CHEK2: variants seen among roughly 807,000 people sequenced by gnomAD.
The protein encoded by CHEK2 is checkpoint kinase 2.
CHEK2 carries 71 observed loss-of-function variants against 69.1 expected under a neutral mutation model. The ratio of observed to expected loss-of-function variants is 1.03; its 90% CI spans 0.85 to 1.25. CHEK2 has a LOEUF of 1.25. CHEK2 is among the 50% of genes most tolerant of loss of function. The pLI is 0.00. For missense variants in CHEK2, 664 were observed against 649.6 expected, an observed-to-expected ratio of 1.02 and a Z score of -0.24; for synonymous variants, 189 against 226.9, an observed-to-expected ratio of 0.83 and a Z score of 1.50.
intron 7 of CHEK2, 39 bp from the exon 8 acceptor site, chr22:28,703,605 A>G (rs2145879982): frequency 7.7e-7 from 1 of 1,306,010 alleles, no homozygotes; most frequent in Middle Eastern, 1.8e-4. Context: ...GTAGTGAGAA[A>G]CTCCCAAGAG....
intron 8 of CHEK2, among the ~76,000 whole-genome samples, chr22:28,701,652 C>T (rs2052853138): frequency 6.6e-6 from 1 of 152,190 alleles, no homozygotes; most frequent in Admixed American, 6.5e-5. Context: ...CAGGCATCTT[C>T]CAGAAATGAG....
chr22:28,694,037 G>A lies in CHEK2; in HGVS notation c.1456C>T (p.Leu486Phe). 6.3e-7 allele frequency: 1 copy of A among 1,593,736 alleles called. No individual in the cohort carries two copies. Among genetic ancestry groups the A allele is most frequent in the Non-Finnish European group, 8.5e-7 (1 of 1,177,420 alleles). ...AGGCACTGTCCCACACCCACCTGAAGCCACGGGTGTCTTAAGGCTTCTTCT... is the reference window on the plus strand; with the variant it reads ...AGGCACTGTCCCACACCCACCTGAAACCACGGGTGTCTTAAGGCTTCTTCT... ...TTEEALRHPW[L>F]QDEDMKRKFQ... The change falls in exon 13 of 15, where the codon CTT becomes TTT. Residue 486 changes from leucine (L) to phenylalanine (F), a missense_variant. Transcript: ENST00000404276.
In CHEK2 at chr22:28,699,891, G is replaced by A. The variant is rs1057524600; in HGVS notation, c.955C>T (p.Leu319=). 6.2e-7 allele frequency: 1 copy of A among 1,614,026 alleles called. No individual in the cohort carries two copies. The highest frequency in any genetic ancestry group is 8.5e-7 in the Non-Finnish European group (1 of 1,180,000). Residue 319 remains leucine, a synonymous_variant, in exon 9 of 15, where the codon CTG becomes TTG. Coordinates refer to ENST00000404276, the MANE Select transcript of CHEK2 (RefSeq NM_007194.4). Reference sequence around the variant, plus strand: ...TAGAGCTTGCAGGTAGCTTCTTTCAGGCGTTTATTCCCCACCACTTTGTCA... The same window carrying A: ...TAGAGCTTGCAGGTAGCTTCTTTCAAGCGTTTATTCCCCACCACTTTGTCA... The part of the protein sequence containing the change: ...LFDKVVGNKR[L]KEATCKLYFY...
chr22:28,694,755 CT>C (rs1369371961), intron 12 of CHEK2, among the ~76,000 whole-genome samples: 2 of 152,094 alleles, frequency 1.3e-5, no homozygotes, highest in Non-Finnish European at 2.9e-5. Context: ...CAAAGGAAAC[CT>C]TGTAACTAAA....
Position 28,741,798 on chromosome 22 carries a change from T to C in CHEK2, c.-36A>G. 2.0e-6 allele frequency: 1 copy of C among 500,826 alleles called. No homozygotes were observed. The highest frequency in any genetic ancestry group is 3.4e-5 in the Admixed American group (1 of 29,174). 31.0% of individuals were successfully genotyped at this position (500,826 alleles called of 1,614,324 possible). A position where few individuals can be genotyped will look rare whatever the true frequency, so the allele number is the denominator to read the frequency against. On this transcript the variant is annotated 5_prime_UTR_variant, in exon 1 of 15. Coordinates refer to ENST00000404276, the MANE Select transcript of CHEK2 (RefSeq NM_007194.4). ...TGAGCCCACCTGGAGCCGCACACTC[T>C]CCGCAGCCTCAGCCAGCAGAGTGGC...
At chr22:28,695,645 G>A in intron 11 of CHEK2, 65 bp downstream of exon 11, 1 of 1,393,214 alleles carries the variant, frequency 7.2e-7, no homozygotes, top group Non-Finnish European at 1.0e-6. Flanking sequence ...AACAGAGCAA[G>A]ACACATTTGT....
At chr22:28,741,148 C>CAAAAAAAAAAAAAAAAAAAAAAAAAAA (rs71194792) in intron 1 of CHEK2, among the ~76,000 whole-genome samples, 1 of 51,162 alleles carries the variant, frequency 2.0e-5, no homozygotes, top group African/African-American at 6.9e-5. Flanking sequence ...GACTCCGTCT[C>CAAAAAAAAAAAAAAAAAAAAAAAAAAA]AAAAAAAAAA....
At chr22:28,697,267 G>A (rs1225160245) in intron 9 of CHEK2, among the ~76,000 whole-genome samples, 1 of 152,136 alleles carries the variant, frequency 6.6e-6, no homozygotes, top group Non-Finnish European at 1.5e-5. Flanking sequence ...AATGTAAGGT[G>A]TCAATTTCAA....
intron 13 of CHEK2, among the ~76,000 whole-genome samples, chr22:28,690,404 G>A (rs547054061): frequency 3.3e-5 from 5 of 151,432 alleles, no homozygotes; most frequent in African/African-American, 7.3e-5. Context: ...CAAGGCAGGC[G>A]AATCGCCTGA....
At chr22:28,737,030 C>T (rs1460343563) in intron 1 of CHEK2, among the ~76,000 whole-genome samples, 1 of 151,300 alleles carries the variant, frequency 6.6e-6, no homozygotes, top group Non-Finnish European at 1.5e-5. Context: ...ATCGGATTAA[C>T]AAAAAAAAGG....
At position 28,707,305 on chromosome 22, in the gene CHEK2, G is replaced by A. The variant is rs139493933; in HGVS notation, c.846+2701C>T. 7.5e-3 allele frequency among the ~76,000 whole-genome samples: 1,145 copies of A among 152,272 alleles called. 16 individuals carry two copies. The highest frequency in any genetic ancestry group is 0.026 in the African/African-American group (1,089 of 41,544). On this transcript the variant is annotated intron_variant, in intron 7 of 14. Transcript: ENST00000404276. ...TCTGCACTGAAAGCTTTAGGAGTACGTCTCATTAAATTCTCACACTGACCT... is the reference window on the plus strand; with the variant it reads ...TCTGCACTGAAAGCTTTAGGAGTACATCTCATTAAATTCTCACACTGACCT...
intron 2 of CHEK2, among the ~76,000 whole-genome samples, chr22:28,731,661 A>T (rs2054220778): frequency 6.6e-6 from 1 of 152,110 alleles, no homozygotes; most frequent in Non-Finnish European, 1.5e-5. Context: ...TATGCTGGTC[A>T]TCCTATCAGG....
intron 8 of CHEK2, among the ~76,000 whole-genome samples, chr22:28,702,872 ATACT>A (rs2052943744): frequency 6.6e-6 from 1 of 152,192 alleles, no homozygotes; most frequent in Non-Finnish European, 1.5e-5. Context: ...AATCTCTAAA[ATACT>A]TACAAAACCT....
chr22:28,703,107 G>A (rs1455459644), intron 8 of CHEK2, among the ~76,000 whole-genome samples: 2 of 152,180 alleles, frequency 1.3e-5, no homozygotes, highest in African/African-American at 2.4e-5. Flanking sequence ...ACATGTGCCA[G>A]GTGCTCTGCT....
In CHEK2 at chr22:28,699,930, C is replaced by T. The variant is rs587783051; in HGVS notation, c.916G>A (p.Gly306Arg). Residue 306 changes from glycine (G) to arginine (R), a missense_variant, in exon 9 of 15, where the codon GGG (glycine) becomes AGG (arginine). Coordinates refer to ENST00000404276, the MANE Select transcript of CHEK2 (RefSeq NM_007194.4). ...ACCACTTTGTCAAACAGCTCTCCCC[C>T]TTCCATCCTGAAACACAAAGGCAAG... ...DYYIVLELME[G>R]GELFDKVVGN... 1 of 1,613,272 alleles carries T rather than the reference C, an allele frequency of 6.2e-7. No individual in the cohort carries two copies. Among genetic ancestry groups the T allele is most frequent in the Non-Finnish European group, 8.5e-7 (1 of 1,179,394 alleles).
chr22:28,694,177 T>A (rs769859259), intron 12 of CHEK2, 60 bp from the exon 13 acceptor site: 1 of 1,148,888 alleles, frequency 8.7e-7, no homozygotes, highest in Non-Finnish European at 1.3e-6. Flanking sequence ...AGTAAGAGTA[T>A]GCCAGAATTA....
intron 2 of CHEK2, chr22:28,729,214 C>T: frequency 9.0e-6 from 2 of 221,794 alleles, no homozygotes; most frequent in Non-Finnish European, 1.9e-5. Flanking sequence ...CTAAATCCAG[C>T]AACACATAAA....
chr22:28,697,849 T>G (rs1240061455), intron 9 of CHEK2, among the ~76,000 whole-genome samples: 1 of 152,106 alleles, frequency 6.6e-6, no homozygotes, highest in East Asian at 1.9e-4. Context: ...GTGCTGGGAT[T>G]ACAGGCATCA....
intron 5 of CHEK2, among the ~76,000 whole-genome samples, chr22:28,713,901 G>A (rs573457001): frequency 1.5e-4 from 23 of 150,512 alleles, no homozygotes; most frequent in Non-Finnish European, 2.2e-4. Flanking sequence ...GGCTGGTCTC[G>A]AACTCCTGAC....
Sources: allele counts gnomAD v4.1 joint callset (sites outside exome capture counted in the v4.1 genomes callset), GRCh38; gene constraint gnomAD v4.1.1; transcripts MANE v1.5; gene names NCBI Gene and HGNC (gene_info 2026-07-23, HGNC 2026-07-21).